CFAP46: variants seen among roughly 807,000 people sequenced by gnomAD.
The protein encoded by CFAP46 is cilia- and flagella-associated protein 46.
Under a neutral mutation model 325.7 loss-of-function variants are expected in CFAP46, and 245 were observed. The observed-to-expected ratio is 0.75, with a 90% confidence interval of 0.68 to 0.84. The LOEUF is 0.84. Ranked by LOEUF, CFAP46 falls within the 40% of genes least tolerant of loss-of-function variation. The pLI, the probability that CFAP46 is intolerant of heterozygous loss-of-function variation, is 0.00. For synonymous variants in CFAP46, 1,523 were observed against 1,495.9 expected, an observed-to-expected ratio of 1.02 and a Z score of -0.42; for missense variants, 3,346 against 3,543.0, an observed-to-expected ratio of 0.94 and a Z score of 1.41.
chr10:132,837,479 A>ATACACATCTGTG (rs1848272270), intron 44 of CFAP46, among the ~76,000 whole-genome samples: 1 of 141,756 alleles, frequency 7.1e-6, no homozygotes, highest in African/African-American at 2.7e-5. Context: ...AGACACACAC[A>ATACACATCTGTG]TGCACACGTA....
In CFAP46 at chr10:132,817,874, G is replaced by A. The variant is rs1372467407; in HGVS notation, c.7118-2960C>T. 1.3e-5 allele frequency among the ~76,000 whole-genome samples: 2 copies of A among 152,236 alleles called. No homozygotes were observed. The highest frequency in any genetic ancestry group is 6.5e-5 in the Admixed American group (1 of 15,290). On this transcript the variant is annotated intron_variant, in intron 50 of 57. Transcript: ENST00000368586. The surrounding 1 kb of genome is among the most constrained non-coding windows in gnomAD (Gnocchi z 4.4). ...GGGTCACTGGGTCACAGTGAACGGC[G>A]TCGGCCGCGCTCTGCCTGGAGGCTC...
Position 132,885,840 on chromosome 10 carries a change from G to T in CFAP46, c.3424C>A (p.Pro1142Thr). The T allele has an allele frequency of 6.5e-7, 1 of 1,530,306 alleles. No homozygotes were observed. The highest frequency in any genetic ancestry group is 1.2e-5 in the South Asian group (1 of 83,570). The allele number at this position is 1,530,306 out of a possible 1,614,324, so 94.8% of individuals were successfully genotyped here. The change falls in exon 26 of 58, where the codon CCA becomes ACA. Residue 1142 changes from proline to threonine, a missense_variant. By Grantham distance (38) the Pro-to-Thr change is conservative. Transcript: ENST00000368586. Reference sequence around the variant, plus strand: ...ACTCACAGGCGGTGGGCCGTCCTTGGCAGCACCTGCACAGCCTCGTCCAGC... The same window carrying T: ...ACTCACAGGCGGTGGGCCGTCCTTGTCAGCACCTGCACAGCCTCGTCCAGC... ...KVLDEAVQVLPRTAHRLLIFK... is the reference protein window; with the variant it reads ...KVLDEAVQVLTRTAHRLLIFK...
chr10:132,837,458 C>T lies in CFAP46; in HGVS notation c.6439-544G>A, dbSNP rs188171081. ...CCACCCGTGCATAGACGTGCTCACG[C>T]GGACATGCACAGACACACACATGCA... is the stretch of plus-strand genomic sequence containing the variant. On this transcript the variant is annotated intron_variant, in intron 44 of 57. Transcript: ENST00000368586. Among the ~76,000 whole-genome samples, 96 of 146,842 alleles carry T rather than the reference C, an allele frequency of 6.5e-4. 1 individual carries two copies. Among genetic ancestry groups the T allele is most frequent in the African/African-American group, 2.3e-3 (83 of 36,858 alleles).
In CFAP46 at chr10:132,922,713, G is replaced by A. The variant is rs760780647; in HGVS notation, c.1257-5C>T. On this transcript the variant is annotated splice_region_variant and splice_polypyrimidine_tract_variant and intron_variant, in intron 11 of 57. Transcript: ENST00000368586. The stretch of plus-strand genomic sequence containing the variant: ...CAGCGGAGAAGCGTCATGAGGCTGC[G>A]GGGGTGGCGTGGCATCAGGGGCCCT... 17 of 1,543,176 alleles carry A rather than the reference G, an allele frequency of 1.1e-5. No homozygotes were observed. The highest frequency in any genetic ancestry group is 7.4e-5 in the East Asian group (3 of 40,742).
At chr10:132,854,791 C>T (rs562072742) in intron 39 of CFAP46, among the ~76,000 whole-genome samples, 4 of 152,264 alleles carry the variant, frequency 2.6e-5, no homozygotes, top group South Asian at 4.1e-4. Flanking sequence ...GGAAACCCCT[C>T]GCCCATTAAA....
At position 132,847,088 on chromosome 10, in the gene CFAP46, C is replaced by G. The variant is rs761790734; in HGVS notation, c.6111G>C (p.Gln2037His). ...DLKRRMVLAQ[Q>H]YLAQASEVLL... ...GCACCTCTGACGCCTGAGCCAGGTA[C>G]TGCTGGGCCAGAACCATCCTCCTCT... The change falls in exon 43 of 58, where the codon CAG becomes CAC. Residue 2037 changes from glutamine to histidine, a missense_variant. Transcript: ENST00000368586. This position sits in a 1 kb window ranked among gnomAD's most constrained non-coding sequence, Gnocchi z 5.2. 1 of 1,611,656 alleles carries G rather than the reference C, an allele frequency of 6.2e-7. No individual in the cohort carries two copies. Among genetic ancestry groups the G allele is most frequent in the African/African-American group, 1.3e-5 (1 of 74,942 alleles).
In CFAP46 at chr10:132,876,848, A is replaced by G. The variant is rs1465236434; in HGVS notation, c.4326T>C (p.Ser1442=). The G allele has an allele frequency of 6.5e-7, 1 of 1,550,332 alleles. No individual in the cohort carries two copies. The highest frequency in any genetic ancestry group is 8.7e-7 in the Non-Finnish European group (1 of 1,146,954). Residue 1442 remains serine (S), a synonymous_variant, in exon 31 of 58, where the codon AGT becomes AGC. Transcript: ENST00000368586. This position sits in a 1 kb window ranked among gnomAD's most constrained non-coding sequence, Gnocchi z 4.1. ...TACTTGAGGGGTTCACAGTAGAGTC[A>G]CTTCTGTCCTGTTTCAGTACAGACA... ...EVLSVLKQDR[S]DSTVNPSSIQ...
intron 44 of CFAP46, among the ~76,000 whole-genome samples, chr10:132,844,495 T>C (rs1261564543): frequency 6.6e-6 from 1 of 152,194 alleles, no homozygotes; most frequent in African/African-American, 2.4e-5. Flanking sequence ...GGGCCTGCTG[T>C]GGTCTACGAC....
Position 132,809,184 on chromosome 10 carries a change from T to TG in CFAP46, c.7665-281dup, listed in dbSNP as rs887576009. On this transcript the variant is annotated intron_variant, in intron 57 of 57. Transcript: ENST00000368586. ...CCCTTGGCCAGGCGAGCTGCTCTGC[T>TG]GGGGGGGCGCCCGTCTAGAGTGTGG... is the stretch of plus-strand genomic sequence containing the variant. Among the ~76,000 whole-genome samples, 44 of 152,132 alleles carry TG rather than the reference T, an allele frequency of 2.9e-4. 1 individual carries two copies. Among genetic ancestry groups the TG allele is most frequent in the South Asian group, 6.2e-4 (3 of 4,820 alleles).
intron 39 of CFAP46, among the ~76,000 whole-genome samples, chr10:132,853,627 G>C (rs1848595345): frequency 6.6e-6 from 1 of 152,146 alleles, no homozygotes; most frequent in African/African-American, 2.4e-5. Context: ...GAATTCACTA[G>C]TAAAGCCATC....
intron 9 of CFAP46, chr10:132,929,501 G>C: frequency 1.3e-6 from 1 of 780,392 alleles, no homozygotes; most frequent in East Asian, 2.4e-5. Flanking sequence ...GAAAGGTAAA[G>C]AGAAACGGGC....
intron 22 of CFAP46, 40 bp downstream of exon 22, chr10:132,908,428 C>T (rs1371262655): frequency 6.5e-7 from 1 of 1,549,006 alleles, no homozygotes. Flanking sequence ...CGCTCCCTGC[C>T]CGTTTTGAGG....
At chr10:132,816,634 A>ACT (rs1847701570) in intron 50 of CFAP46, among the ~76,000 whole-genome samples, 2 of 151,522 alleles carry the variant, frequency 1.3e-5, no homozygotes, top group South Asian at 4.2e-4. Context: ...TGCCCGGCCA[A>ACT]CTCTGACTTC....
At chr10:132,874,835 C>T (rs1218027205) in intron 31 of CFAP46, among the ~76,000 whole-genome samples, 1 of 152,180 alleles carries the variant, frequency 6.6e-6, no homozygotes, top group African/African-American at 2.4e-5. Context: ...ATGCTGGAAA[C>T]TTTCCTTTGA....
intron 50 of CFAP46, among the ~76,000 whole-genome samples, chr10:132,824,784 GTGC>G (rs1454834057): frequency 1.5e-5 from 2 of 131,810 alleles, no homozygotes; most frequent in Non-Finnish European, 3.2e-5. Flanking sequence ...TGTTGTGTGA[GTGC>G]TGATGTGTGC....
At position 132,814,636 on chromosome 10, in the gene CFAP46, G is replaced by A. The variant is rs371780133; in HGVS notation, c.7250-24C>T. On this transcript the variant is annotated intron_variant, in intron 52 of 57. Transcript: ENST00000368586. ...GACTGGGTCCCGGTCAAGGAGAAAC[G>A]GGAGCACAGGGCGGGGTCTGGGGCC... is the stretch of plus-strand genomic sequence containing the variant. The A allele has an allele frequency of 2.1e-4, 325 of 1,580,478 alleles. No homozygotes were observed. In the African/African-American group the frequency reaches 3.1e-3, roughly 15 times the overall value.
chr10:132,918,666 G>A, intron 15 of CFAP46, 146 bp from the exon 16 acceptor site: 1 of 1,093,264 alleles, frequency 9.1e-7, no homozygotes, highest in Non-Finnish European at 1.2e-6. Context: ...GCGGGAGGTG[G>A]GCAGCTTGCC....
At chr10:132,937,459 T>C in intron 6 of CFAP46, 93 bp downstream of exon 6, 1 of 1,501,114 alleles carries the variant, frequency 6.7e-7, no homozygotes, top group East Asian at 2.3e-5. Flanking sequence ...TTTATATCTC[T>C]CAGCAAACTT....
At chr10:132,810,262 C>T (rs1296485061) in intron 57 of CFAP46, 147 bp downstream of exon 57, 25 of 728,362 alleles carry the variant, frequency 3.4e-5, no homozygotes, top group Admixed American at 9.8e-5. Flanking sequence ...TCCCTCTTTC[C>T]GGCTCCTAGT....
Sources: allele counts gnomAD v4.1 joint callset (sites outside exome capture counted in the v4.1 genomes callset), GRCh38; gene constraint gnomAD v4.1.1; non-coding constraint Gnocchi (gnomAD v3.1); transcripts MANE v1.5; gene names NCBI Gene and HGNC (gene_info 2026-07-23, HGNC 2026-07-21).